Variants in PHF21A observed in about 807,000 individuals in gnomAD.
PHF21A encodes BHC80a.
PHF21A carries 11 observed loss-of-function variants against 82.5 expected under a neutral mutation model. The ratio of observed to expected loss-of-function variants is 0.13; its 90% CI spans 0.08 to 0.22. The LOEUF (loss-of-function observed/expected upper bound fraction) is 0.22. Among genes scored for constraint, PHF21A ranks in the 10% least tolerant of loss-of-function variants. The probability of loss-of-function intolerance (pLI) is 1.00; values close to 1 mark genes in which losing one functional copy is unlikely to be tolerated. For missense variants in PHF21A, 579 were observed against 837.8 expected (o/e 0.69, Z 3.81); for synonymous variants, 297 against 302.8 (o/e 0.98, Z 0.20).
At chr11:46,036,077 A>G (rs940863902) in intron 6 of PHF21A, among the ~76,000 whole-genome samples, 1 of 152,232 alleles carries the variant, frequency 6.6e-6, no homozygotes, top group African/African-American at 2.4e-5. Context: ...AGTAGTGCTT[A>G]TGGAAAGAAG....
intron 5 of PHF21A, among the ~76,000 whole-genome samples, chr11:46,078,668 T>C (rs1020351048): frequency 1.3e-5 from 2 of 152,154 alleles, no homozygotes; most frequent in African/African-American, 4.8e-5. Context: ...CTAAAATGCT[T>C]CTTTTAAAAA....
At chr11:46,024,346 C>A (rs2137996202) in intron 6 of PHF21A, among the ~76,000 whole-genome samples, 1 of 152,296 alleles carries the variant, frequency 6.6e-6, no homozygotes, top group East Asian at 1.9e-4. Context: ...AGCCTCCTTT[C>A]TCCCATGAAA....
At chr11:46,079,703 A>T (rs2096766978) in intron 4 of PHF21A, among the ~76,000 whole-genome samples, 1 of 152,190 alleles carries the variant, frequency 6.6e-6, no homozygotes, top group South Asian at 2.1e-4. Flanking sequence ...AGTGATGCTC[A>T]GTTTTTGAGA....
chr11:46,092,439 A>G (rs2096936486), intron 1 of PHF21A, among the ~76,000 whole-genome samples: 3 of 152,242 alleles, frequency 2.0e-5, no homozygotes, highest in African/African-American at 7.2e-5. Context: ...CTACTTTTCC[A>G]TAGTTTTTCA....
At chr11:46,077,536 T>C (rs1296798381) in intron 5 of PHF21A, among the ~76,000 whole-genome samples, 1 of 152,268 alleles carries the variant, frequency 6.6e-6, no homozygotes, top group Non-Finnish European at 1.5e-5. Flanking sequence ...ACCACCCTAA[T>C]GAGAGACTGC....
At chr11:46,076,672 TAGC>T (rs2096729448) in intron 6 of PHF21A, 79 bp downstream of exon 6, 2 of 1,071,256 alleles carry the variant, frequency 1.9e-6, no homozygotes, top group Non-Finnish European at 2.8e-6. Context: ...TGAGGAAAAA[TAGC>T]AGTTCTCTTA....
At chr11:45,952,297 AGT>A (rs2092229346) in intron 11 of PHF21A, among the ~76,000 whole-genome samples, 1 of 152,178 alleles carries the variant, frequency 6.6e-6, no homozygotes, top group Non-Finnish European at 1.5e-5. Flanking sequence ...GCTGGAGTGC[AGT>A]GGCACCATCT....
chr11:46,074,196 T>C (rs2096693852), intron 6 of PHF21A, among the ~76,000 whole-genome samples: 1 of 151,900 alleles, frequency 6.6e-6, no homozygotes, highest in African/African-American at 2.4e-5. Context: ...CCATTATTTG[T>C]ATAATTAAAG....
intron 14 of PHF21A, among the ~76,000 whole-genome samples, chr11:45,948,533 T>C (rs2959103): frequency 0.88 from 133,920 of 152,234 alleles, 59,120 homozygotes; most frequent in East Asian, 1. Context: ...ACCTTGGCAA[T>C]GGCAGTGCTC....
chr11:45,956,543 G>T (rs917158641), intron 10 of PHF21A, among the ~76,000 whole-genome samples: 1 of 152,080 alleles, frequency 6.6e-6, no homozygotes, highest in Non-Finnish European at 1.5e-5. Context: ...GCATGACGCT[G>T]AGATTGGGGC....
chr11:45,967,418 G>C (rs1395160254), intron 9 of PHF21A, among the ~76,000 whole-genome samples: 3 of 151,894 alleles, frequency 2.0e-5, no homozygotes, highest in Non-Finnish European at 4.4e-5. Context: ...GGATGGGCTT[G>C]AGGGGACCCC....
intron 6 of PHF21A, among the ~76,000 whole-genome samples, chr11:45,988,828 T>C (rs1591648174): frequency 6.6e-6 from 1 of 152,002 alleles, no homozygotes; most frequent in Non-Finnish European, 1.5e-5. Flanking sequence ...GAGGTGGAGG[T>C]TGCAGTGAGC....
At chr11:46,067,412 ATGTAT>A (rs2096607078) in intron 6 of PHF21A, among the ~76,000 whole-genome samples, 1 of 152,186 alleles carries the variant, frequency 6.6e-6, no homozygotes, top group Non-Finnish European at 1.5e-5. Flanking sequence ...TTGTTTCTAG[ATGTAT>A]CAAGTTTTCA....
intron 2 of PHF21A, among the ~76,000 whole-genome samples, chr11:46,091,410 G>A (rs1293593230): frequency 6.6e-6 from 1 of 151,834 alleles, no homozygotes; most frequent in Non-Finnish European, 1.5e-5. Context: ...ATGATGAAGA[G>A]CCATTAAAAA....
rs187649893 is a variant in PHF21A at position 46,014,124 on chromosome 11, T to C, written c.154-34158A>G. On this transcript the variant is annotated intron_variant, in intron 6 of 18. Transcript: ENST00000676320. ...GATCCTGTGACCCACATGGTGAACA[T>C]AGTACCCAACAGGAAGTTTTTCAAC... 4.6e-5 allele frequency among the ~76,000 whole-genome samples: 7 copies of C among 152,314 alleles called. No homozygotes were observed. In the East Asian group the frequency reaches 5.8e-4, roughly 13 times the overall value.
At chr11:45,956,329 C>T (rs1002049428) in intron 10 of PHF21A, among the ~76,000 whole-genome samples, 2 of 152,066 alleles carry the variant, frequency 1.3e-5, no homozygotes, top group African/African-American at 4.8e-5. Flanking sequence ...GACTTAAATG[C>T]ACAAAGTAAT....
chr11:45,945,372 G>A (rs543121072), intron 15 of PHF21A, among the ~76,000 whole-genome samples: 125 of 152,310 alleles, frequency 8.2e-4, no homozygotes, highest in African/African-American at 2.6e-3. Flanking sequence ...GCTCTAAAGA[G>A]CAGAGTTTCT....
rs748038572 is a variant in PHF21A, at chr11:45,949,448, C to G, written c.1181G>C (p.Arg394Thr). 1 of 1,614,184 alleles carries G rather than the reference C, an allele frequency of 6.2e-7. No individual in the cohort carries two copies. Among genetic ancestry groups the G allele is most frequent in the Non-Finnish European group, 8.5e-7 (1 of 1,180,012 alleles). The part of the protein sequence containing the change: ...IQSKRQERKR[R>T]TTANPVYSGA... ...ACTGTAGACCGGATTTGCTGTTGTTCTTCTTTTTCGCTCTTGCCTCTTGCT... is the reference window on the plus strand; with the variant it reads ...ACTGTAGACCGGATTTGCTGTTGTTGTTCTTTTTCGCTCTTGCCTCTTGCT... The change falls in exon 13 of 19, where the codon AGA becomes ACA. Residue 394 changes from arginine to threonine, a missense_variant. By Grantham distance (71) the Arg-to-Thr change is moderately conservative. Transcript: ENST00000676320.
At chr11:46,110,432 T>C (rs988343229) in intron 1 of PHF21A, among the ~76,000 whole-genome samples, 4 of 152,196 alleles carry the variant, frequency 2.6e-5, no homozygotes, top group Non-Finnish European at 4.4e-5. Context: ...CTATACTGAA[T>C]CTACATGGCT....
Sources: gnomAD v4.1 joint callset for allele counts (sites outside exome capture counted in the v4.1 genomes callset) on GRCh38, gnomAD v4.1.1 for gene constraint, MANE v1.5 for transcripts, NCBI Gene and HGNC (gene_info 2026-07-23, HGNC 2026-07-21) for gene names.